MTMR14: variants seen among roughly 807,000 people sequenced by gnomAD.
MTMR14 encodes the protein myotubularin related protein 14, also known as phosphatidylinositol-3,5-bisphosphate 3-phosphatase MTMR14.
In MTMR14, 48 loss-of-function variants were observed where a neutral mutation model predicts 86.3. That is an observed-to-expected ratio of 0.56 (90% confidence interval 0.44 to 0.71). MTMR14 has a LOEUF of 0.71. MTMR14 is among the 30% of genes least tolerant of loss of function. MTMR14 has a pLI of 0.00. For missense variants in MTMR14, 780 were observed against 834.6 expected (o/e 0.93, Z 0.81); for synonymous variants, 366 against 326.1 (o/e 1.12, Z -1.32).
At chr3:9,651,888 A>G (rs1271199386) in intron 1 of MTMR14, among the ~76,000 whole-genome samples, 4 of 150,240 alleles carry the variant, frequency 2.7e-5, no homozygotes, top group African/African-American at 9.8e-5. Context: ...CTGGAATGCA[A>G]TGGCGTGATC....
intron 18 of MTMR14, among the ~76,000 whole-genome samples, chr3:9,698,596 C>T (rs988164756): frequency 5.9e-5 from 9 of 152,204 alleles, no homozygotes; most frequent in Non-Finnish European, 1.2e-4. Context: ...CATGCTGGGG[C>T]CTTACCACCA....
chr3:9,672,242 T>C (rs562177355), intron 6 of MTMR14, among the ~76,000 whole-genome samples: 1 of 152,036 alleles, frequency 6.6e-6, no homozygotes, highest in South Asian at 2.1e-4. Flanking sequence ...GCAGAGAAGG[T>C]AGAGTTCTTT....
intron 17 of MTMR14, among the ~76,000 whole-genome samples, chr3:9,694,898 A>G (rs1429243625): frequency 6.6e-6 from 1 of 152,188 alleles, no homozygotes; most frequent in Non-Finnish European, 1.5e-5. Context: ...CATCCAACTA[A>G]GGAAGTGAAA....
At chr3:9,686,729 G>T (rs1185032328) in intron 13 of MTMR14, among the ~76,000 whole-genome samples, 1 of 152,208 alleles carries the variant, frequency 6.6e-6, no homozygotes, top group Non-Finnish European at 1.5e-5. Context: ...TCCTTGCCTG[G>T]GCACACAGAG....
At chr3:9,661,354 CACAT>C (rs1385623555) in intron 2 of MTMR14, among the ~76,000 whole-genome samples, 1 of 152,178 alleles carries the variant, frequency 6.6e-6, no homozygotes, top group Non-Finnish European at 1.5e-5. Context: ...CCCAGTCCCT[CACAT>C]GCGGAGTTCA....
At position 9,702,060 on chromosome 3, in the gene MTMR14, T is replaced by G. The variant is rs905686105; in HGVS notation, c.*87T>G. 3 of 1,556,360 alleles carry G rather than the reference T, an allele frequency of 1.9e-6. No homozygotes were observed. In the African/African-American group the frequency reaches 4.1e-5, roughly 21 times the overall value. The stretch of plus-strand genomic sequence containing the variant: ...AGCCATGCCTGGCCGAAGGGGTACT[T>G]CCAGGTCAGGGGAAATTTCAGTCCC... On this transcript the variant is annotated 3_prime_UTR_variant, in exon 19 of 19. Transcript: ENST00000296003.
chr3:9,690,973 GT>G (rs752661193), intron 17 of MTMR14, among the ~76,000 whole-genome samples: 8 of 152,180 alleles, frequency 5.3e-5, no homozygotes, highest in Admixed American at 1.3e-4. Flanking sequence ...TTCAGACTCA[GT>G]TTAGTCCTTG....
At chr3:9,660,602 CTG>C (rs1164142746) in intron 2 of MTMR14, among the ~76,000 whole-genome samples, 3 of 152,128 alleles carry the variant, frequency 2.0e-5, no homozygotes, top group African/African-American at 7.2e-5. Context: ...ATTTTAAAGA[CTG>C]TGTTTTTATT....
At chr3:9,662,127 A>C (rs2047976292) in intron 2 of MTMR14, 140 bp from the exon 3 acceptor site, 1 of 696,148 alleles carries the variant, frequency 1.4e-6, no homozygotes, top group African/African-American at 1.8e-5. Context: ...GATAGATGAT[A>C]TAAAATTTAG....
chr3:9,689,761 G>A (rs1419200771), intron 16 of MTMR14, among the ~76,000 whole-genome samples: 1 of 152,224 alleles, frequency 6.6e-6, no homozygotes, highest in Non-Finnish European at 1.5e-5. Flanking sequence ...CCAGTAGGCT[G>A]GTGTGATTTG....
intron 2 of MTMR14, among the ~76,000 whole-genome samples, chr3:9,660,014 A>C (rs1197311839): frequency 6.6e-6 from 1 of 152,214 alleles, no homozygotes. Context: ...CGGTTGCAGC[A>C]GATGGTGCTG....
At chr3:9,680,424 C>G (rs1054400836) in intron 9 of MTMR14, among the ~76,000 whole-genome samples, 1 of 152,244 alleles carries the variant, frequency 6.6e-6, no homozygotes, top group African/African-American at 2.4e-5. Context: ...AGGGCCATCA[C>G]TGTCACCCCT....
At chr3:9,676,893 T>G (rs574522046) in intron 7 of MTMR14, among the ~76,000 whole-genome samples, 39 of 152,334 alleles carry the variant, frequency 2.6e-4, no homozygotes, top group Admixed American at 2.3e-3. Flanking sequence ...TAGCATTATT[T>G]GCCCCCATTT....
In MTMR14 at chr3:9,702,175, AC is replaced by A. The variant is rs1248544652; in HGVS notation, c.*206del. ...CCCAGCCTCTTGACTGGTGACCACC[AC>A]CCCTTCTTGTCACTGTCTCCCACCC... On this transcript the variant is annotated 3_prime_UTR_variant, in exon 19 of 19. Coordinates refer to ENST00000296003, the MANE Select transcript of MTMR14 (RefSeq NM_001077525.3). The A allele has an allele frequency of 1.5e-6, 1 of 652,602 alleles. No individual in the cohort carries two copies. Among genetic ancestry groups the A allele is most frequent in the African/African-American group, 1.8e-5 (1 of 55,744 alleles). The allele number at this position is 652,602 out of a possible 1,614,324, so 40.4% of individuals were successfully genotyped here.
intron 14 of MTMR14, 33 bp from the exon 15 acceptor site, chr3:9,688,663 T>C: frequency 6.2e-7 from 1 of 1,613,482 alleles, no homozygotes; most frequent in Non-Finnish European, 8.5e-7. Flanking sequence ...CCCAGATAGA[T>C]CTGGAATTTA....
At position 9,680,656 on chromosome 3, in the gene MTMR14, T is replaced by C. The variant is rs139111571; in HGVS notation, c.898-2522T>C. On this transcript the variant is annotated intron_variant, in intron 9 of 18. Coordinates refer to ENST00000296003, the MANE Select transcript of MTMR14 (RefSeq NM_001077525.3). ...GGCAGGAGATCGAGACCATCGTGGC[T>C]AACACAGTGAAACCCAATCTCTACT... Among the ~76,000 whole-genome samples the C allele has an allele frequency of 2.9e-3, 448 of 152,218 alleles. 1 individual carries two copies. The highest frequency in any genetic ancestry group is 9.7e-3 in the African/African-American group (402 of 41,534).
At chr3:9,686,817 A>G (rs1489799378) in intron 13 of MTMR14, among the ~76,000 whole-genome samples, 1 of 152,158 alleles carries the variant, frequency 6.6e-6, no homozygotes, top group Non-Finnish European at 1.5e-5. Flanking sequence ...GGCCTTTGGG[A>G]ATCACCACAG....
chr3:9,672,293 C>T (rs2048607996), intron 6 of MTMR14, among the ~76,000 whole-genome samples: 2 of 152,172 alleles, frequency 1.3e-5, no homozygotes, highest in South Asian at 4.1e-4. Flanking sequence ...GGCTGGAGTG[C>T]AGTGGCACAA....
At chr3:9,653,064 CCT>C (rs1362039960) in intron 1 of MTMR14, among the ~76,000 whole-genome samples, 19 of 152,184 alleles carry the variant, frequency 1.2e-4, no homozygotes, top group Non-Finnish European at 2.1e-4. Context: ...TGGTGAAACC[CCT>C]GTCTCTACTA....
Sources: allele counts gnomAD v4.1 joint callset (sites outside exome capture counted in the v4.1 genomes callset), GRCh38; gene constraint gnomAD v4.1.1; transcripts MANE v1.5; gene names NCBI Gene and HGNC (gene_info 2026-07-23, HGNC 2026-07-21).